The following ARHGAP31 variants were observed in gnomAD, a reference collection of about 807,000 sequenced individuals.
ARHGAP31 encodes the protein Rho GTPase activating protein 31, also known as rho GTPase-activating protein 31.
A neutral mutation model predicts 113.9 loss-of-function variants in ARHGAP31; 34 were observed. That is an observed-to-expected ratio of 0.30 (90% confidence interval 0.23 to 0.40). The LOEUF is 0.40. Ranked by LOEUF, ARHGAP31 falls within the 10% of genes least tolerant of loss-of-function variation. The pLI is 1.00. For synonymous variants in ARHGAP31, 650 were observed against 684.8 expected (o/e 0.95, Z 0.79); for missense variants, 1,548 against 1,767.1 (o/e 0.88, Z 2.22).
chr3:119,349,134 G>C (rs986814795), intron 1 of ARHGAP31, among the ~76,000 whole-genome samples: 5 of 152,298 alleles, frequency 3.3e-5, no homozygotes, highest in East Asian at 1.9e-4. Flanking sequence ...AAAGGTAAAA[G>C]TGTAGTCTCT....
At position 119,409,605 on chromosome 3, in the gene ARHGAP31, G is replaced by A; in HGVS notation, c.1755G>A (p.Glu585=). 2 of 1,614,038 alleles carry A rather than the reference G, an allele frequency of 1.2e-6. No homozygotes were observed. The highest frequency in any genetic ancestry group is 1.7e-6 in the Non-Finnish European group (2 of 1,179,952). ...CCCAGGAGCCAGGCGCCCACCTGGA[G>A]GAGAAGAAAACCCCAGAAAGCTCCT... ...GLSQEPGAHL[E]EKKTPESSLS... Residue 585 remains glutamate (E), a synonymous_variant, in exon 11 of 12, where the codon GAG becomes GAA. Transcript: ENST00000264245.
chr3:119,326,743 G>A (rs1400535157), intron 1 of ARHGAP31, among the ~76,000 whole-genome samples: 1 of 152,184 alleles, frequency 6.6e-6, no homozygotes, highest in African/African-American at 2.4e-5. Context: ...CATTCAGCAG[G>A]TATTCAGAAC....
rs567116318 is a variant in ARHGAP31, at chr3:119,388,612, G to A, written c.683-2173G>A. Among the ~76,000 whole-genome samples, 162 of 152,230 alleles carry A rather than the reference G, an allele frequency of 1.1e-3. 2 individuals carry two copies. Among genetic ancestry groups the A allele is most frequent in the Admixed American group, 1.8e-3 (28 of 15,292 alleles). On this transcript the variant is annotated intron_variant, in intron 6 of 11. Coordinates refer to ENST00000264245, the MANE Select transcript of ARHGAP31 (RefSeq NM_020754.4). ...CAGCCTCTACCAGCATCTTAGCAGT[G>A]GGAAGGAGGAAAGTGGCTGGGTTCC...
intron 7 of ARHGAP31, among the ~76,000 whole-genome samples, chr3:119,392,975 G>C (rs2080518337): frequency 6.6e-6 from 1 of 152,118 alleles, no homozygotes; most frequent in African/African-American, 2.4e-5. Context: ...GTGGTGGGTG[G>C]CCCAGTACTG....
chr3:119,363,347 T>C (rs1033041637), intron 1 of ARHGAP31, among the ~76,000 whole-genome samples: 1 of 152,186 alleles, frequency 6.6e-6, no homozygotes, highest in Non-Finnish European at 1.5e-5. Flanking sequence ...GCTCTTCTGG[T>C]TGAAGACAGG....
At chr3:119,356,066 A>G (rs2080154853) in intron 1 of ARHGAP31, among the ~76,000 whole-genome samples, 1 of 152,236 alleles carries the variant, frequency 6.6e-6, no homozygotes, top group South Asian at 2.1e-4. Flanking sequence ...CTAGACACAG[A>G]GTAGGCTTGC....
chr3:119,384,367 A>G (rs150118547), intron 6 of ARHGAP31, among the ~76,000 whole-genome samples: 2 of 152,234 alleles, frequency 1.3e-5, no homozygotes, highest in African/African-American at 2.4e-5. Flanking sequence ...GTCTAATGCC[A>G]TACTATTTTC....
At chr3:119,406,706 G>A (rs1478348305) in intron 10 of ARHGAP31, among the ~76,000 whole-genome samples, 1 of 152,184 alleles carries the variant, frequency 6.6e-6, no homozygotes, top group African/African-American at 2.4e-5. Flanking sequence ...GAAGGGATTG[G>A]CTCACTCAGC....
At chr3:119,366,328 G>T (rs1011538677) in intron 2 of ARHGAP31, among the ~76,000 whole-genome samples, 1 of 151,958 alleles carries the variant, frequency 6.6e-6, no homozygotes, top group South Asian at 2.1e-4. Context: ...AATAAGTTGT[G>T]CAGGTAATTC....
intron 1 of ARHGAP31, among the ~76,000 whole-genome samples, chr3:119,296,890 G>A (rs1384524981): frequency 6.6e-6 from 1 of 152,156 alleles, no homozygotes; most frequent in Non-Finnish European, 1.5e-5. Flanking sequence ...AGGATCGGAG[G>A]GCCCTCCCTG....
At position 119,414,175 on chromosome 3, in the gene ARHGAP31, T is replaced by A. The variant is rs764589379; in HGVS notation, c.2246T>A (p.Leu749His). 4 of 1,614,066 alleles carry A rather than the reference T, an allele frequency of 2.5e-6. No homozygotes were observed. In the Admixed American group the frequency reaches 6.7e-5, roughly 27 times the overall value. Residue 749 changes from leucine (L) to histidine (H), a missense_variant, in exon 12 of 12, where the codon CTC becomes CAC. Leu to His is a moderately conservative substitution (Grantham distance 99). Coordinates refer to ENST00000264245, the MANE Select transcript of ARHGAP31 (RefSeq NM_020754.4). ...CCTGAGCAGGGCCTGCACCCAGACC[T>A]CGCCAGCCTGGCTCCTCTGGAAATA... ...PEPEQGLHPD[L>H]ASLAPLEIVP...
At chr3:119,397,537 G>A (rs2080563422) in intron 8 of ARHGAP31, among the ~76,000 whole-genome samples, 1 of 152,218 alleles carries the variant, frequency 6.6e-6, no homozygotes, top group African/African-American at 2.4e-5. Flanking sequence ...ATCTTCAAAG[G>A]ATAAGAATTC....
rs1294364467 is a variant in ARHGAP31, at chr3:119,420,148, A to T, written c.*3884A>T. On this transcript the variant is annotated 3_prime_UTR_variant, in exon 12 of 12. Transcript: ENST00000264245. Reference sequence around the variant, plus strand: ...TGCATGAAGAGATACTGGGGAGCATACAATTATTTTGTCCAGTATTAGAGT... The same window carrying T: ...TGCATGAAGAGATACTGGGGAGCATTCAATTATTTTGTCCAGTATTAGAGT... The T allele has an allele frequency of 6.6e-6, 1 of 152,170 alleles. No individual in the cohort carries two copies. Among genetic ancestry groups the T allele is most frequent in the African/African-American group, 2.4e-5 (1 of 41,442 alleles). 9.4% of individuals were successfully genotyped at this position (152,170 alleles called of 1,614,324 possible). A position where few individuals can be genotyped will look rare whatever the true frequency, so the allele number is the denominator to read the frequency against.
At chr3:119,365,046 A>T (rs1408119730) in intron 1 of ARHGAP31, among the ~76,000 whole-genome samples, 1 of 152,174 alleles carries the variant, frequency 6.6e-6, no homozygotes, top group African/African-American at 2.4e-5. Flanking sequence ...GTGAGCCAAG[A>T]TTGCGCCACT....
At chr3:119,344,588 T>G (rs979215137) in intron 1 of ARHGAP31, among the ~76,000 whole-genome samples, 2 of 152,244 alleles carry the variant, frequency 1.3e-5, no homozygotes, top group Non-Finnish European at 2.9e-5. Flanking sequence ...GAGAGCTTAT[T>G]GGGCCACTGT....
Position 119,415,807 on chromosome 3 carries a change from G to A in ARHGAP31, c.3878G>A (p.Gly1293Asp), listed in dbSNP as rs1438894187. ...GGACCTACCCTTTCTCCAGAACCAGGCTCGTCTAACCTGCTCTCCACCCAG... is the reference window on the plus strand; with the variant it reads ...GGACCTACCCTTTCTCCAGAACCAGACTCGTCTAACCTGCTCTCCACCCAG... ...CEGPTLSPEP[G>D]SSNLLSTQDA... Residue 1293 changes from glycine (G) to aspartate (D), a missense_variant, in exon 12 of 12, where the codon GGC becomes GAC. Gly to Asp is a moderately conservative substitution (Grantham distance 94, BLOSUM62 -1). Transcript: ENST00000264245. 7 of 1,614,068 alleles carry A rather than the reference G, an allele frequency of 4.3e-6. No individual in the cohort carries two copies.
At chr3:119,387,030 C>T (rs905828206) in intron 6 of ARHGAP31, among the ~76,000 whole-genome samples, 14 of 152,164 alleles carry the variant, frequency 9.2e-5, no homozygotes, top group Non-Finnish European at 1.5e-5. Flanking sequence ...CAGATAACTG[C>T]GGGCGAGCCT....
chr3:119,321,356 A>C (rs557009600), intron 1 of ARHGAP31, among the ~76,000 whole-genome samples: 27 of 142,040 alleles, frequency 1.9e-4, no homozygotes, highest in African/African-American at 5.5e-4. Context: ...TTTTAAAATC[A>C]ATGTTTTCAT....
At position 119,419,812 on chromosome 3, in the gene ARHGAP31, G is replaced by T. The variant is rs1341163663; in HGVS notation, c.*3548G>T. 1 of 152,192 alleles carries T rather than the reference G, an allele frequency of 6.6e-6. No homozygotes were observed. The highest frequency in any genetic ancestry group is 1.5e-5 in the Non-Finnish European group (1 of 68,034). The allele number at this position is 152,192 out of a possible 1,614,324, so 9.4% of individuals were successfully genotyped here. A position where few individuals can be genotyped will look rare whatever the true frequency, so the allele number is the denominator to read the frequency against. Reference sequence around the variant, plus strand: ...GAACTTTGCTTGATTTAGAAAACTGGAAAGTGGCAACTAGGCTAGAATAGT... The same window carrying T: ...GAACTTTGCTTGATTTAGAAAACTGTAAAGTGGCAACTAGGCTAGAATAGT... On this transcript the variant is annotated 3_prime_UTR_variant, in exon 12 of 12. Transcript: ENST00000264245.
Sources: allele counts gnomAD v4.1 joint callset (sites outside exome capture counted in the v4.1 genomes callset), GRCh38; gene constraint gnomAD v4.1.1; transcripts MANE v1.5; gene names NCBI Gene and HGNC (gene_info 2026-07-23, HGNC 2026-07-21).